The following CNTNAP3B variants were observed in gnomAD, a reference collection of about 807,000 sequenced individuals.
CNTNAP3B encodes contactin associated protein family member 3B, also known as contactin-associated protein-like 3B.
Under a neutral mutation model 108.9 loss-of-function variants are expected in CNTNAP3B, and 25 were observed. That is an observed-to-expected ratio of 0.23 (90% CI 0.17 to 0.32). The LOEUF is 0.32. Ranked by LOEUF, CNTNAP3B falls within the 10% of genes least tolerant of loss-of-function variation. CNTNAP3B has a pLI of 1.00. For missense variants in CNTNAP3B, 252 were observed against 1,210.4 expected (o/e 0.21, Z 11.75); for synonymous variants, 103 against 473.4 (o/e 0.22, Z 10.16).
At chr9:42,089,228 A>G (rs1362314087) in intron 2 of CNTNAP3B, among the ~76,000 whole-genome samples, 584 of 118,460 alleles carry the variant, frequency 4.9e-3, no homozygotes, top group Middle Eastern at 0.024. Context: ...GAGAAGAAAA[A>G]TGTAGGGGAA....
intron 3 of CNTNAP3B, among the ~76,000 whole-genome samples, chr9:42,061,416 C>T (rs1284317223): frequency 2.2e-5 from 3 of 133,978 alleles, no homozygotes; most frequent in South Asian, 2.4e-4. Context: ...CTCCTGGGCT[C>T]AAGCAATTCC....
In CNTNAP3B at chr9:41,893,866, G is replaced by C; in HGVS notation, c.*123C>G. On this transcript the variant is annotated 3_prime_UTR_variant, in exon 24 of 24. Coordinates refer to ENST00000377561, the MANE Select transcript of CNTNAP3B (RefSeq NM_001201380.3). ...TGCACCTGCTGTGTGCACCCTGATG[G>C]CAACAGCAGGGAAGTCCACAGTCAC... 1.1e-5 allele frequency: 1 copy of C among 89,156 alleles called. No individual in the cohort carries two copies. The highest frequency in any genetic ancestry group is 2.0e-5 in the Non-Finnish European group (1 of 51,130). The allele number at this position is 89,156 out of a possible 1,614,324, so 5.5% of individuals were successfully genotyped here.
At chr9:42,056,190 T>C (rs756425192) in intron 3 of CNTNAP3B, among the ~76,000 whole-genome samples, 1 of 134,088 alleles carries the variant, frequency 7.5e-6, no homozygotes, top group East Asian at 2.2e-4. Context: ...TATGAAAGTA[T>C]AGTTGAAAGT....
intron 3 of CNTNAP3B, among the ~76,000 whole-genome samples, chr9:42,045,800 G>A (rs1049020683): frequency 7.3e-5 from 10 of 137,550 alleles, no homozygotes; most frequent in Admixed American, 7.4e-5. Flanking sequence ...ACACAGAATA[G>A]CAATCTGCAT....
chr9:42,051,722 C>CT (rs1196622698), intron 3 of CNTNAP3B, among the ~76,000 whole-genome samples: 5 of 148,490 alleles, frequency 3.4e-5, no homozygotes, highest in East Asian at 2.0e-4. Context: ...GGCCGTTTAA[C>CT]TTTTTTTATT....
intron 3 of CNTNAP3B, among the ~76,000 whole-genome samples, chr9:42,063,920 T>C (rs1304664567): frequency 6.7e-6 from 1 of 149,560 alleles, no homozygotes. Context: ...TAGACCTTTG[T>C]CCCTCTATTC....
chr9:41,924,644 T>TGCGCGCGCAC (rs1482014228), intron 15 of CNTNAP3B, among the ~76,000 whole-genome samples: 3 of 95,508 alleles, frequency 3.1e-5, no homozygotes, highest in African/African-American at 1.2e-4. Flanking sequence ...CTTTCCTTCC[T>TGCGCGCGCAC]GCACACACAC....
Position 41,976,927 on chromosome 9 carries a change from G to T in CNTNAP3B, c.1478-6682C>A, listed in dbSNP as rs201222235. ...AGAGTGACTCCCTGTCTAAAAAAAA[G>T]GCAAAACAACGAAACACCACCCCCC... is the stretch of plus-strand genomic sequence containing the variant. On this transcript the variant is annotated intron_variant, in intron 9 of 23. Transcript: ENST00000377561. Among the ~76,000 whole-genome samples, 2 of 97,346 alleles carry T rather than the reference G, an allele frequency of 2.1e-5. 1 individual carries two copies. Among genetic ancestry groups the T allele is most frequent in the African/African-American group, 8.0e-5 (2 of 24,968 alleles). The allele number at this position is 97,346 out of a possible 152,430, so 63.9% of individuals were successfully genotyped here. A position where few individuals can be genotyped will look rare whatever the true frequency, so the allele number is the denominator to read the frequency against.
intron 1 of CNTNAP3B, among the ~76,000 whole-genome samples, chr9:42,128,366 G>A (rs1335938809): frequency 2.2e-5 from 3 of 136,342 alleles, no homozygotes. Flanking sequence ...AGCATCCAGA[G>A]AGGAATCATT....
At chr9:41,947,737 A>G (rs1824567056) in intron 13 of CNTNAP3B, among the ~76,000 whole-genome samples, 1 of 152,170 alleles carries the variant, frequency 6.6e-6, no homozygotes, top group Non-Finnish European at 1.5e-5. Flanking sequence ...TCAAGAAACG[A>G]AAATCTAGTT....
intron 13 of CNTNAP3B, among the ~76,000 whole-genome samples, chr9:41,942,008 C>A (rs1824362037): frequency 1.3e-5 from 2 of 152,294 alleles, no homozygotes; most frequent in Non-Finnish European, 2.9e-5. Context: ...TCTAATCCCC[C>A]AAAAAGCTAG....
intron 4 of CNTNAP3B, among the ~76,000 whole-genome samples, chr9:41,999,669 C>A (rs1409459667): frequency 1.7e-5 from 1 of 57,176 alleles, no homozygotes. Flanking sequence ...GAGAGCATGG[C>A]CTTAACACCT....
intron 1 of CNTNAP3B, among the ~76,000 whole-genome samples, chr9:42,108,112 G>A (rs1198075851): frequency 7.2e-6 from 1 of 138,654 alleles, no homozygotes; most frequent in Admixed American, 7.2e-5. Flanking sequence ...AGAAAGAATT[G>A]TACACTACTG....
chr9:41,967,170 T>C (rs1825305297), intron 10 of CNTNAP3B, among the ~76,000 whole-genome samples: 1 of 151,366 alleles, frequency 6.6e-6, no homozygotes, highest in African/African-American at 2.4e-5. Context: ...GTTAGTGATA[T>C]GGTTTGGCTG....
chr9:42,078,461 T>A (rs938311845), intron 2 of CNTNAP3B, among the ~76,000 whole-genome samples: 1 of 139,616 alleles, frequency 7.2e-6, no homozygotes, highest in African/African-American at 2.8e-5. Context: ...ATTATATATA[T>A]AGTATGTACA....
intron 3 of CNTNAP3B, among the ~76,000 whole-genome samples, chr9:42,014,517 G>A (rs1224167596): frequency 3.4e-5 from 4 of 117,640 alleles, no homozygotes; most frequent in Non-Finnish European, 5.3e-5. Context: ...TAGGGCCAGC[G>A]CGTTGGCTCA....
chr9:41,972,461 C>T (rs1587164287), intron 9 of CNTNAP3B, among the ~76,000 whole-genome samples: 1 of 133,652 alleles, frequency 7.5e-6, no homozygotes, highest in East Asian at 2.3e-4. Context: ...CTTATTTCCT[C>T]CCTAAAAGTT....
At chr9:41,951,948 C>T in intron 13 of CNTNAP3B, among the ~76,000 whole-genome samples, 1 of 152,348 alleles carries the variant, frequency 6.6e-6, no homozygotes, top group Admixed American at 6.5e-5. Context: ...GTGGCGGCAC[C>T]CGCCTGTATT....
At chr9:42,068,156 C>A (rs1382639405) in intron 3 of CNTNAP3B, among the ~76,000 whole-genome samples, 3 of 91,138 alleles carry the variant, frequency 3.3e-5, no homozygotes, top group Admixed American at 1.2e-4. Context: ...GATATCTGTA[C>A]AATTCTAGGG....
Sources: allele counts gnomAD v4.1 joint callset (sites outside exome capture counted in the v4.1 genomes callset), GRCh38; gene constraint gnomAD v4.1.1; transcripts MANE v1.5; gene names NCBI Gene and HGNC (gene_info 2026-07-23, HGNC 2026-07-21).